Variants in NOL4L observed in about 807,000 individuals in gnomAD.
NOL4L encodes nucleolar protein 4 like, also known as nucleolar protein 4-like.
NOL4L carries 7 observed loss-of-function variants against 64.5 expected under a neutral mutation model. The observed-to-expected ratio is 0.11, with a 90% confidence interval of 0.06 to 0.20. The LOEUF (loss-of-function observed/expected upper bound fraction) is 0.20. Among genes scored for constraint, NOL4L ranks in the 10% least tolerant of loss-of-function variants. The pLI is 1.00. For synonymous variants in NOL4L, 413 were observed against 401.0 expected, an observed-to-expected ratio of 1.03 and a Z score of -0.36; for missense variants, 680 against 967.1, an observed-to-expected ratio of 0.70 and a Z score of 3.94.
intron 4 of NOL4L, chr20:32,475,236 T>C (rs1287420173): frequency 1.0e-6 from 1 of 985,396 alleles, no homozygotes; most frequent in Non-Finnish European, 1.2e-6. Context: ...ATGGAATTCC[T>C]TTCTCCCACT....
At chr20:32,553,375 T>C (rs1978430974) in intron 1 of NOL4L, among the ~76,000 whole-genome samples, 1 of 152,134 alleles carries the variant, frequency 6.6e-6, no homozygotes, top group Non-Finnish European at 1.5e-5. Context: ...CTGGCGCTAC[T>C]CACCAGGCAC....
intron 1 of NOL4L, among the ~76,000 whole-genome samples, chr20:32,571,178 G>A (rs1979725203): frequency 6.6e-6 from 1 of 152,054 alleles, no homozygotes; most frequent in African/African-American, 2.4e-5. Flanking sequence ...TTGTTATTGT[G>A]GGGGTTTTTT....
chr20:32,529,131 C>T (rs138675512), intron 1 of NOL4L, among the ~76,000 whole-genome samples: 2 of 152,294 alleles, frequency 1.3e-5, no homozygotes, highest in East Asian at 3.9e-4. Flanking sequence ...CACTTGGACA[C>T]ACTCTGCCAT....
chr20:32,481,020 A>C (rs183248305), intron 4 of NOL4L, among the ~76,000 whole-genome samples: 101 of 152,290 alleles, frequency 6.6e-4, no homozygotes, highest in Non-Finnish European at 1.2e-3. Context: ...AGACACAGCC[A>C]ATCACCTACC....
chr20:32,526,403 C>A, intron 2 of NOL4L, among the ~76,000 whole-genome samples: 1 of 151,916 alleles, frequency 6.6e-6, no homozygotes, highest in East Asian at 1.9e-4. Flanking sequence ...TGGGCAGACA[C>A]CTTGCCTCTC....
chr20:32,465,786 G>A (rs919236115), intron 5 of NOL4L, among the ~76,000 whole-genome samples: 3 of 152,214 alleles, frequency 2.0e-5, no homozygotes. Context: ...AACGCGGCCT[G>A]GTCACTTCCT....
chr20:32,510,425 C>T, intron 4 of NOL4L: 1 of 189,686 alleles, frequency 5.3e-6, no homozygotes, highest in South Asian at 1.1e-4. Flanking sequence ...CACCATGGAT[C>T]TGGCCAAGGA....
At position 32,551,713 on chromosome 20, in the gene NOL4L, C is replaced by T. The variant is rs558343985; in HGVS notation, c.322-23800G>A. 7.2e-5 allele frequency among the ~76,000 whole-genome samples: 11 copies of T among 152,008 alleles called. No individual in the cohort carries two copies. The South Asian group carries it at 8.3e-4, about 11-fold the overall frequency. On this transcript the variant is annotated intron_variant, in intron 1 of 10. Transcript: ENST00000621426. ...GGGTATGGGGGGTTTCTGGGGATGACGCAAATGTTCTAAAATTGATTGTGG... is the reference window on the plus strand; with the variant it reads ...GGGTATGGGGGGTTTCTGGGGATGATGCAAATGTTCTAAAATTGATTGTGG...
At chr20:32,468,375 C>T (rs1000309752) in intron 5 of NOL4L, among the ~76,000 whole-genome samples, 8 of 152,078 alleles carry the variant, frequency 5.3e-5, no homozygotes, top group African/African-American at 9.7e-5. Flanking sequence ...ATCCTGGCAT[C>T]GGGCACCTCC....
chr20:32,548,649 T>C lies in NOL4L; in HGVS notation c.322-20736A>G. ...ACGTTCTAGACATTATTGCCGGGAG[T>C]GAAAATTGGTTCCCTGTCTGTGGAG... On this transcript the variant is annotated intron_variant, in intron 1 of 10. Coordinates refer to ENST00000621426, the MANE Select transcript of NOL4L (RefSeq NM_001256798.2). 2 of 284,368 alleles carry C rather than the reference T, an allele frequency of 7.0e-6. 1 individual carries two copies. The highest frequency in any genetic ancestry group is 5.7e-5 in the South Asian group (2 of 34,824). The allele number at this position is 284,368 out of a possible 1,614,324, so 17.6% of individuals were successfully genotyped here.
At chr20:32,565,430 T>C (rs1365046966) in intron 1 of NOL4L, among the ~76,000 whole-genome samples, 2 of 152,196 alleles carry the variant, frequency 1.3e-5, no homozygotes, top group Non-Finnish European at 2.9e-5. Context: ...GGCGCTATTA[T>C]TGCATAGCAC....
In NOL4L at chr20:32,460,853, G is replaced by C. The variant is rs759477793; in HGVS notation, c.842-4458C>G. ...CAAACCTGAGGGCTCCAGAGGAGACGGGGCTCTGAAGGGGTGTCACCAGCT... is the reference window on the plus strand; with the variant it reads ...CAAACCTGAGGGCTCCAGAGGAGACCGGGCTCTGAAGGGGTGTCACCAGCT... On this transcript the variant is annotated intron_variant, in intron 5 of 10. Transcript: ENST00000621426. This position sits in a 1 kb window ranked among gnomAD's most constrained non-coding sequence, Gnocchi z 5.7. Among the ~76,000 whole-genome samples the C allele has an allele frequency of 3.3e-5, 5 of 152,258 alleles. No individual in the cohort carries two copies. Among genetic ancestry groups the C allele is most frequent in the Admixed American group, 2.6e-4 (4 of 15,294 alleles).
intron 5 of NOL4L, among the ~76,000 whole-genome samples, chr20:32,471,373 G>A (rs533290247): frequency 1.4e-5 from 2 of 140,644 alleles, no homozygotes; most frequent in South Asian, 4.5e-4. Flanking sequence ...CGGGGAGTGA[G>A]AGCAGACACT....
At chr20:32,524,342 A>C (rs576242042) in intron 2 of NOL4L, among the ~76,000 whole-genome samples, 1 of 152,212 alleles carries the variant, frequency 6.6e-6, no homozygotes, top group East Asian at 1.9e-4. Flanking sequence ...TGCATTATCC[A>C]TTGCACATGG....
At chr20:32,563,553 AG>A (rs1417543719) in intron 1 of NOL4L, among the ~76,000 whole-genome samples, 1 of 152,024 alleles carries the variant, frequency 6.6e-6, no homozygotes, top group Non-Finnish European at 1.5e-5. Flanking sequence ...GGGCCATCAC[AG>A]GGCTTGCATA....
At chr20:32,488,794 T>C (rs6141313) in intron 4 of NOL4L, among the ~76,000 whole-genome samples, 17,104 of 46,724 alleles carry the variant, frequency 0.37, 3,027 homozygotes, top group East Asian at 0.66. Flanking sequence ...TTCCTTCCTT[T>C]CTTTCTTTCT....
intron 3 of NOL4L, among the ~76,000 whole-genome samples, chr20:32,515,761 C>T (rs2017628788): frequency 6.6e-6 from 1 of 152,122 alleles, no homozygotes; most frequent in African/African-American, 2.4e-5. Context: ...AGTGCGGCAC[C>T]GCTGGACTCT....
intron 1 of NOL4L, among the ~76,000 whole-genome samples, chr20:32,583,849 G>GGGGGA (rs1411380179): frequency 6.8e-6 from 1 of 146,718 alleles, no homozygotes; most frequent in African/African-American, 2.5e-5. Flanking sequence ...CCCGGGGGAC[G>GGGGGA]GGGGAGGGGA....
At chr20:32,583,500 CGGCCCGGCTCTCG>C (rs1980638242) in intron 1 of NOL4L, among the ~76,000 whole-genome samples, 1 of 134,850 alleles carries the variant, frequency 7.4e-6, no homozygotes, top group African/African-American at 2.8e-5. Context: ...CGGCGCGGGG[CGGCCCGGCTCTCG>C]CGCTCCGGCC....
Sources: gnomAD v4.1 joint callset for allele counts (sites outside exome capture counted in the v4.1 genomes callset) on GRCh38, gnomAD v4.1.1 for gene constraint, Gnocchi (gnomAD v3.1) non-coding constraint, MANE v1.5 for transcripts, NCBI Gene and HGNC (gene_info 2026-07-23, HGNC 2026-07-21) for gene names.